Variants in ZNF407 observed in about 807,000 individuals in gnomAD.
ZNF407 encodes zinc finger protein 407.
A neutral mutation model predicts 131.2 loss-of-function variants in ZNF407; 17 were observed. The observed-to-expected ratio is 0.13, with a 90% confidence interval of 0.09 to 0.19. The LOEUF is 0.19. Ranked by LOEUF, ZNF407 falls within the 10% of genes least tolerant of loss-of-function variation. ZNF407 has a pLI of 1.00. For synonymous variants in ZNF407, 1,156 were observed against 1,062.0 expected (o/e 1.09, Z -1.72); for missense variants, 2,681 against 2,830.6 (o/e 0.95, Z 1.20).
At chr18:74,599,941 C>T (rs1430690557) in intron 1 of ZNF407, among the ~76,000 whole-genome samples, 2 of 152,214 alleles carry the variant, frequency 1.3e-5, no homozygotes, top group African/African-American at 4.8e-5. Flanking sequence ...TGTGGTCCTC[C>T]ACTGAGCGTT....
chr18:74,980,689 C>T (rs1390454979), intron 8 of ZNF407, among the ~76,000 whole-genome samples: 3 of 152,074 alleles, frequency 2.0e-5, no homozygotes, highest in Non-Finnish European at 4.4e-5. Context: ...TGATAGTTTC[C>T]AACCTAAGAA....
chr18:75,009,807 C>A (rs1972953239), intron 8 of ZNF407, among the ~76,000 whole-genome samples: 1 of 152,116 alleles, frequency 6.6e-6, no homozygotes. Context: ...TTCCAGAACC[C>A]AAGTCTTAAC....
chr18:74,901,915 G>GT (rs34297257), intron 7 of ZNF407, among the ~76,000 whole-genome samples: 7,072 of 149,640 alleles, frequency 0.047, 527 homozygotes, highest in African/African-American at 0.16. Context: ...TATTTTTAAG[G>GT]TTTTTTTTTT....
intron 3 of ZNF407, among the ~76,000 whole-genome samples, chr18:74,772,992 G>A (rs1241932645): frequency 6.6e-6 from 1 of 152,164 alleles, no homozygotes; most frequent in Non-Finnish European, 1.5e-5. Context: ...AATTCTGCAG[G>A]AGATCATTAG....
intron 3 of ZNF407, among the ~76,000 whole-genome samples, chr18:74,725,005 C>T (rs530152431): frequency 6.6e-6 from 1 of 152,300 alleles, no homozygotes; most frequent in Non-Finnish European, 1.5e-5. Flanking sequence ...TTTTCTCATT[C>T]GATGTGTGGG....
intron 8 of ZNF407, among the ~76,000 whole-genome samples, chr18:74,994,855 T>C (rs755947458): frequency 6.7e-4 from 102 of 151,658 alleles, no homozygotes; most frequent in Non-Finnish European, 1.2e-3. Flanking sequence ...GAAGACAGAG[T>C]TGAGATTTTT....
At chr18:74,746,222 G>T (rs184830282) in intron 3 of ZNF407, among the ~76,000 whole-genome samples, 1 of 152,142 alleles carries the variant, frequency 6.6e-6, no homozygotes, top group Non-Finnish European at 1.5e-5. Context: ...TCTGTGCAGG[G>T]CACTGAATTG....
At chr18:74,724,043 C>T (rs1204650167) in intron 3 of ZNF407, among the ~76,000 whole-genome samples, 1 of 151,834 alleles carries the variant, frequency 6.6e-6, no homozygotes, top group Non-Finnish European at 1.5e-5. Flanking sequence ...ATTCCCAAGG[C>T]ATTATATGTT....
chr18:74,775,406 A>G (rs550271558), intron 3 of ZNF407, among the ~76,000 whole-genome samples: 50 of 152,220 alleles, frequency 3.3e-4, no homozygotes, highest in Non-Finnish European at 5.6e-4. Context: ...GTTTATTTAA[A>G]TTATTCGTGA....
At chr18:74,910,696 C>T (rs1177142884) in intron 7 of ZNF407, among the ~76,000 whole-genome samples, 2 of 152,070 alleles carry the variant, frequency 1.3e-5, no homozygotes, top group African/African-American at 2.4e-5. Flanking sequence ...TTAATACCAC[C>T]CTCAGTTTCC....
intron 3 of ZNF407, among the ~76,000 whole-genome samples, chr18:74,722,974 T>G (rs1025204128): frequency 6.6e-6 from 1 of 152,162 alleles, no homozygotes; most frequent in Non-Finnish European, 1.5e-5. Flanking sequence ...TAATTATTTC[T>G]TAGGTACCCG....
chr18:74,719,351 C>T (rs561243993), intron 3 of ZNF407, among the ~76,000 whole-genome samples: 11 of 151,992 alleles, frequency 7.2e-5, no homozygotes, highest in South Asian at 4.2e-4. Context: ...GCTTCCTACC[C>T]GCTAGTATCC....
At chr18:74,676,458 A>T (rs1191534648) in intron 3 of ZNF407, among the ~76,000 whole-genome samples, 2 of 133,064 alleles carry the variant, frequency 1.5e-5, no homozygotes, top group East Asian at 2.2e-4. Flanking sequence ...TTTTTTTGAG[A>T]CGGAGTCTCG....
chr18:74,807,075 A>G (rs955132803), intron 4 of ZNF407, among the ~76,000 whole-genome samples: 2 of 152,238 alleles, frequency 1.3e-5, no homozygotes, highest in Admixed American at 1.3e-4. Flanking sequence ...ACGGGAAGCA[A>G]CAGGTGATTG....
intron 8 of ZNF407, among the ~76,000 whole-genome samples, chr18:75,038,502 A>T (rs541326978): frequency 1.3e-5 from 2 of 152,364 alleles, no homozygotes; most frequent in African/African-American, 2.4e-5. Flanking sequence ...GACATTGTTC[A>T]TAAGGGGGAA....
intron 8 of ZNF407, among the ~76,000 whole-genome samples, chr18:74,962,546 G>A (rs771399280): frequency 6.6e-6 from 1 of 152,204 alleles, no homozygotes; most frequent in Non-Finnish European, 1.5e-5. Context: ...CCACTCTTGG[G>A]CTCATTCCTC....
At chr18:74,957,392 G>A (rs768552959) in intron 8 of ZNF407, among the ~76,000 whole-genome samples, 4 of 151,832 alleles carry the variant, frequency 2.6e-5, no homozygotes, top group African/African-American at 7.3e-5. Context: ...TTTTAATTAC[G>A]TTAACTTACG....
intron 4 of ZNF407, among the ~76,000 whole-genome samples, chr18:74,854,514 C>T (rs1379363456): frequency 6.6e-6 from 1 of 152,072 alleles, no homozygotes; most frequent in Admixed American, 6.5e-5. Context: ...GGCCCTGTGA[C>T]ATTTCTTGTC....
intron 3 of ZNF407, among the ~76,000 whole-genome samples, chr18:74,654,868 A>AT (rs950590238): frequency 6.6e-6 from 1 of 151,848 alleles, no homozygotes; most frequent in Non-Finnish European, 1.5e-5. Flanking sequence ...GTTGTAATAG[A>AT]TTTTTTACAG....
Sources: gnomAD v4.1 joint callset for allele counts (sites outside exome capture counted in the v4.1 genomes callset) on GRCh38, gnomAD v4.1.1 for gene constraint, MANE v1.5 for transcripts, NCBI Gene and HGNC (gene_info 2026-07-23, HGNC 2026-07-21) for gene names.